The following ELL variants were observed in gnomAD, a reference collection of about 807,000 sequenced individuals.
The protein encoded by ELL is RNA polymerase II elongation factor ELL.
A neutral mutation model predicts 64.0 loss-of-function variants in ELL; 18 were observed. The ratio of observed to expected loss-of-function variants is 0.28; its 90% CI spans 0.19 to 0.42. The LOEUF (loss-of-function observed/expected upper bound fraction) is 0.42, where lower values mean the gene tolerates loss of function less well. Ranked by LOEUF, ELL falls within the 10% of genes least tolerant of loss-of-function variation. The probability of loss-of-function intolerance (pLI) is 1.00; values close to 1 mark genes in which losing one functional copy is unlikely to be tolerated. For missense variants in ELL, 797 were observed against 870.4 expected (o/e 0.92, Z 1.06); for synonymous variants, 399 against 376.2 (o/e 1.06, Z -0.70).
chr19:18,518,001 A>G (rs1167184330), intron 1 of ELL, among the ~76,000 whole-genome samples: 2 of 151,680 alleles, frequency 1.3e-5, no homozygotes, highest in East Asian at 1.9e-4. Flanking sequence ...GAGGAGGATC[A>G]CCTGAGGTCA....
chr19:18,477,898 G>A (rs570731316), intron 1 of ELL, among the ~76,000 whole-genome samples: 38 of 152,124 alleles, frequency 2.5e-4, no homozygotes, highest in Non-Finnish European at 5.3e-4. Flanking sequence ...CATAAATTAC[G>A]GTAGTGAGGC....
At chr19:18,519,813 A>T (rs1976218034) in intron 1 of ELL, among the ~76,000 whole-genome samples, 1 of 150,030 alleles carries the variant, frequency 6.7e-6, no homozygotes. Flanking sequence ...TCTCAAAAAA[A>T]AAAAAAAAAA....
In ELL at chr19:18,468,102, C is replaced by A. The variant is rs546704392; in HGVS notation, c.184-2184G>T. Among the ~76,000 whole-genome samples, 10 of 148,880 alleles carry A rather than the reference C, an allele frequency of 6.7e-5. No homozygotes were observed. In the East Asian group the frequency reaches 2.0e-3, roughly 29 times the overall value. On this transcript the variant is annotated intron_variant, in intron 2 of 11. Coordinates refer to ENST00000262809, the MANE Select transcript of ELL (RefSeq NM_006532.4). ...AAACCCCTCCACACACAAACCCCTA[C>A]ACACAACCACACAAACACAACCCAG...
intron 1 of ELL, among the ~76,000 whole-genome samples, chr19:18,483,837 G>A (rs1229217266): frequency 2.6e-5 from 4 of 152,172 alleles, no homozygotes; most frequent in Non-Finnish European, 1.5e-5. Flanking sequence ...CACCCTGCCT[G>A]CCCTGCCCAC....
chr19:18,477,570 G>A (rs1975203555), intron 1 of ELL, among the ~76,000 whole-genome samples: 1 of 152,206 alleles, frequency 6.6e-6, no homozygotes, highest in Non-Finnish European at 1.5e-5. Context: ...GTGCCGAGGT[G>A]CCGACACTGC....
At chr19:18,460,738 G>A (rs1974791081) in intron 5 of ELL, among the ~76,000 whole-genome samples, 1 of 152,206 alleles carries the variant, frequency 6.6e-6, no homozygotes. Flanking sequence ...CATCACCTGT[G>A]TTCCTGAGGT....
At chr19:18,517,907 GAGA>G (rs1255162744) in intron 1 of ELL, among the ~76,000 whole-genome samples, 3 of 150,144 alleles carry the variant, frequency 2.0e-5, no homozygotes, top group African/African-American at 7.3e-5. Context: ...AAAAAAGAAG[GAGA>G]AGAAGAAGAA....
intron 4 of ELL, among the ~76,000 whole-genome samples, chr19:18,462,212 GTGTGTGTGTA>G (rs1432003944): frequency 0.021 from 2,694 of 127,894 alleles, 59 homozygotes; most frequent in African/African-American, 0.059. Context: ...GTGTGTGTGT[GTGTGTGTGTA>G]TGTAATCACC....
chr19:18,479,656 C>G (rs984727587), intron 1 of ELL, among the ~76,000 whole-genome samples: 2 of 138,304 alleles, frequency 1.4e-5, no homozygotes, highest in African/African-American at 2.9e-5. Context: ...TTGCAGTGAG[C>G]TGAGATCAAG....
chr19:18,482,241 T>A (rs908030531), intron 1 of ELL, among the ~76,000 whole-genome samples: 98 of 151,494 alleles, frequency 6.5e-4, no homozygotes, highest in Non-Finnish European at 9.6e-4. Context: ...TTTTTTTTTT[T>A]ATATACAAGA....
rs555814789 is a variant in ELL, at chr19:18,501,714, C to T, written c.135+20207G>A. Among the ~76,000 whole-genome samples the T allele has an allele frequency of 1.3e-5, 2 of 152,284 alleles. No individual in the cohort carries two copies. Among genetic ancestry groups the T allele is most frequent in the African/African-American group, 4.8e-5 (2 of 41,560 alleles). On this transcript the variant is annotated intron_variant, in intron 1 of 11. Transcript: ENST00000262809. The surrounding 1 kb of genome is among the most constrained non-coding windows in gnomAD (Gnocchi z 4.5). ...CACCTGGGGGCCCAAGAGGTGATGG[C>T]ATCACATAAAAGCAAAAGAAACTTG...
chr19:18,491,846 G>C (rs1975540413), intron 1 of ELL, among the ~76,000 whole-genome samples: 1 of 152,158 alleles, frequency 6.6e-6, no homozygotes, highest in Non-Finnish European at 1.5e-5. Flanking sequence ...GAGCCTGGGA[G>C]GTTGAGATTG....
At chr19:18,503,832 C>A (rs570356789) in intron 1 of ELL, among the ~76,000 whole-genome samples, 16 of 152,242 alleles carry the variant, frequency 1.1e-4, no homozygotes, top group African/African-American at 3.6e-4. Context: ...TGAGGGCCCA[C>A]GGGACTGTCA....
intron 1 of ELL, among the ~76,000 whole-genome samples, chr19:18,492,395 A>C (rs1188238219): frequency 6.6e-6 from 1 of 152,210 alleles, no homozygotes; most frequent in African/African-American, 2.4e-5. Flanking sequence ...TGTTTTTCAT[A>C]AACTAAAACG....
intron 2 of ELL, among the ~76,000 whole-genome samples, chr19:18,467,596 C>A (rs1418952910): frequency 6.6e-6 from 1 of 150,724 alleles, no homozygotes; most frequent in Non-Finnish European, 1.5e-5. Flanking sequence ...CACCCTCGGA[C>A]AGAGAAACCC....
intron 1 of ELL, among the ~76,000 whole-genome samples, chr19:18,497,790 T>A (rs1359455374): frequency 1.7e-5 from 2 of 118,494 alleles, no homozygotes; most frequent in East Asian, 2.4e-4. Flanking sequence ...GACTCCAGCC[T>A]AGGCAAAAGA....
In ELL at chr19:18,462,335, C is replaced by CTGTGTGTGTGTGTGTG. The variant is rs370735358; in HGVS notation, c.470-499_470-484dup. 3.2e-4 allele frequency among the ~76,000 whole-genome samples: 21 copies of CTGTGTGTGTGTGTGTG among 64,994 alleles called. 3 individuals carry two copies. The highest frequency in any genetic ancestry group is 2.1e-3 in the African/African-American group (20 of 9,418). 42.6% of individuals were successfully genotyped at this position (64,994 alleles called of 152,430 possible). A position where few individuals can be genotyped will look rare whatever the true frequency, so the allele number is the denominator to read the frequency against. ...GAAATCACCTGATCACTCTAGTGGG[C>CTGTGTGTGTGTGTGTG]TGTGTGTGTGTGTGTGTGTGTGTGT... On this transcript the variant is annotated intron_variant, in intron 4 of 11. Transcript: ENST00000262809.
chr19:18,452,855 A>G (rs1974567565), intron 6 of ELL, among the ~76,000 whole-genome samples: 1 of 152,276 alleles, frequency 6.6e-6, no homozygotes, highest in South Asian at 2.1e-4. Context: ...AGAGGCCCCA[A>G]GCTGTGCAGT....
At chr19:18,462,179 A>AGTGTGTGTGTGTGTGTGTGTGT (rs758119031) in intron 4 of ELL, among the ~76,000 whole-genome samples, 1 of 120,042 alleles carries the variant, frequency 8.3e-6, no homozygotes, top group Non-Finnish European at 1.7e-5. Context: ...TCTGGTGGGC[A>AGTGTGTGTGTGTGTGTGTGTGT]GTGTGTGTGT....
Sources: gnomAD v4.1 joint callset for allele counts (sites outside exome capture counted in the v4.1 genomes callset) on GRCh38, gnomAD v4.1.1 for gene constraint, Gnocchi (gnomAD v3.1) non-coding constraint, MANE v1.5 for transcripts, NCBI Gene and HGNC (gene_info 2026-07-23, HGNC 2026-07-21) for gene names.